The following RNF38 variants were observed in gnomAD, a reference collection of about 807,000 sequenced individuals.
The protein encoded by RNF38 is ring finger protein 38.
A neutral mutation model predicts 67.2 loss-of-function variants in RNF38; 15 were observed. That is an observed-to-expected ratio of 0.22 (90% confidence interval 0.15 to 0.34). The LOEUF is 0.34. RNF38 is among the 10% of genes least tolerant of loss of function. RNF38 has a pLI of 1.00. For missense variants in RNF38, 524 were observed against 639.9 expected (o/e 0.82, Z 1.95); for synonymous variants, 220 against 218.8 (o/e 1.01, Z -0.05).
chr9:36,463,292 G>A (rs1839779278), intron 1 of RNF38, among the ~76,000 whole-genome samples: 1 of 152,144 alleles, frequency 6.6e-6, no homozygotes, highest in Non-Finnish European at 1.5e-5. Flanking sequence ...TTTCTTGCAT[G>A]TAAGTCAGGA....
chr9:36,385,799 T>C (rs1587575273), intron 2 of RNF38, among the ~76,000 whole-genome samples: 1 of 152,300 alleles, frequency 6.6e-6, no homozygotes, highest in South Asian at 2.1e-4. Flanking sequence ...AAGGGCCCAG[T>C]TCTTCTCGTT....
chr9:36,451,664 C>T (rs899723666), intron 1 of RNF38, among the ~76,000 whole-genome samples: 1 of 151,476 alleles, frequency 6.6e-6, no homozygotes, highest in African/African-American at 2.4e-5. Flanking sequence ...CCATGCCCAG[C>T]TAATTTTGTA....
At chr9:36,434,291 G>A (rs1472650563) in intron 1 of RNF38, among the ~76,000 whole-genome samples, 2 of 121,298 alleles carry the variant, frequency 1.6e-5, no homozygotes, top group Non-Finnish European at 3.5e-5. Context: ...AGGGGAGAAG[G>A]GGAGGGGAGA....
chr9:36,346,808 A>T (rs2133398039), intron 9 of RNF38, among the ~76,000 whole-genome samples: 1 of 152,244 alleles, frequency 6.6e-6, no homozygotes, highest in South Asian at 2.1e-4. Flanking sequence ...CAGCCCTTCT[A>T]AATGCTGGAA....
Position 36,350,552 on chromosome 9 carries a change from A to C in RNF38, c.1263+563T>G, listed in dbSNP as rs142920961. Among the ~76,000 whole-genome samples, 59 of 152,332 alleles carry C rather than the reference A, an allele frequency of 3.9e-4. No homozygotes were observed. The East Asian group carries it at 0.011, about 27-fold the overall frequency. ...GAATGTCTAGCCCTTCTCTGCCTAAATCTTAAAGATGAAAAGCTTATACAT... is the reference window on the plus strand; with the variant it reads ...GAATGTCTAGCCCTTCTCTGCCTAACTCTTAAAGATGAAAAGCTTATACAT... On this transcript the variant is annotated intron_variant, in intron 9 of 11. Transcript: ENST00000259605.
rs530162023 is a variant in RNF38 at position 36,421,393 on chromosome 9, G to A, written n.312+3220C>T. Among the ~76,000 whole-genome samples, 9 of 152,246 alleles carry A rather than the reference G, an allele frequency of 5.9e-5. No individual in the cohort carries two copies. The South Asian group carries it at 1.7e-3, about 28-fold the overall frequency. On this transcript the variant is annotated intron_variant and non_coding_transcript_variant, in intron 2 of 3. Coordinates refer to the RNF38 transcript ENST00000488058. Reference sequence around the variant, plus strand: ...TTAAAGCAGGTTGGGGCCAGGCATGGTGGCTCACGCCTGTAATACCAGCAC... The same window carrying A: ...TTAAAGCAGGTTGGGGCCAGGCATGATGGCTCACGCCTGTAATACCAGCAC...
intron 2 of RNF38, among the ~76,000 whole-genome samples, chr9:36,411,302 T>G (rs1052640183): frequency 1.3e-5 from 2 of 152,124 alleles, no homozygotes; most frequent in Non-Finnish European, 2.9e-5. Context: ...AACTGGAATC[T>G]CTCTGCACTG....
At chr9:36,440,211 A>G (rs914447071) in intron 1 of RNF38, among the ~76,000 whole-genome samples, 1 of 152,196 alleles carries the variant, frequency 6.6e-6, no homozygotes, top group Non-Finnish European at 1.5e-5. Flanking sequence ...ATGCCACTAC[A>G]CTACAGCCTG....
intron 1 of RNF38, among the ~76,000 whole-genome samples, chr9:36,478,478 A>T (rs1269399565): frequency 1.3e-5 from 2 of 150,600 alleles, no homozygotes; most frequent in African/African-American, 4.9e-5. Context: ...TTCTGGTAGC[A>T]ATAGGGAGAA....
At chr9:36,458,702 T>G (rs1411338397) in intron 1 of RNF38, among the ~76,000 whole-genome samples, 2 of 151,014 alleles carry the variant, frequency 1.3e-5, no homozygotes, top group Non-Finnish European at 3.0e-5. Context: ...GGACACACCA[T>G]CTTTAAGAGT....
At chr9:36,478,748 C>T (rs138742447) in intron 1 of RNF38, among the ~76,000 whole-genome samples, 7,444 of 145,816 alleles carry the variant, frequency 0.051, 580 homozygotes, top group African/African-American at 0.17. Flanking sequence ...ACCCAGAAGG[C>T]GGAGGTTGCG....
At chr9:36,484,181 C>G (rs970648574) in intron 1 of RNF38, among the ~76,000 whole-genome samples, 1 of 152,210 alleles carries the variant, frequency 6.6e-6, no homozygotes, top group Admixed American at 6.5e-5. Flanking sequence ...CCTGATATAT[C>G]AGAATGTCCT....
At chr9:36,460,134 G>C (rs999159363) in intron 1 of RNF38, among the ~76,000 whole-genome samples, 1 of 152,038 alleles carries the variant, frequency 6.6e-6, no homozygotes, top group Non-Finnish European at 1.5e-5. Context: ...TTTTCTTGTG[G>C]TTTCTTAAGC....
At chr9:36,369,524 ATTT>A (rs1835219708) in intron 4 of RNF38, among the ~76,000 whole-genome samples, 192 bp downstream of exon 4, 2 of 152,096 alleles carry the variant, frequency 1.3e-5, no homozygotes, top group African/African-American at 4.8e-5. Context: ...GCCGATACTA[ATTT>A]TTTAAGTTCA....
At chr9:36,390,166 C>A (rs1318920017) in intron 2 of RNF38, among the ~76,000 whole-genome samples, 1 of 152,106 alleles carries the variant, frequency 6.6e-6, no homozygotes, top group Non-Finnish European at 1.5e-5. Context: ...ATATATTCTA[C>A]ACTATCTTCT....
Position 36,356,416 on chromosome 9 carries a change from G to A in RNF38, c.796C>T (p.Leu266Phe). Residue 266 changes from leucine (L) to phenylalanine (F), a missense_variant, in exon 6 of 12, where the codon CTT (leucine) becomes TTT (phenylalanine). Physicochemically the swap from Leu to Phe is conservative, Grantham distance 22. This residue lies in a region of RNF38 where 461 missense variants were observed against 517.4 expected (regional missense o/e 0.89). Transcript: ENST00000259605. ...LPVPYAAFPP[L>F]ISSDPFLIHP... is the part of the protein sequence containing the mutation. ...ATAAGAAATGGATCACTAGAAATAA[G>A]GGGTGGGAATGCAGCATATGGTACT... is the stretch of plus-strand genomic sequence containing the variant. 1 of 1,613,898 alleles carries A rather than the reference G, an allele frequency of 6.2e-7. No homozygotes were observed. The highest frequency in any genetic ancestry group is 1.1e-5 in the South Asian group (1 of 91,044).
At chr9:36,445,501 A>C (rs1437398663) in intron 1 of RNF38, among the ~76,000 whole-genome samples, 1 of 152,242 alleles carries the variant, frequency 6.6e-6, no homozygotes, top group Non-Finnish European at 1.5e-5. Context: ...AGTTTGGATA[A>C]CTGGTCACCA....
At chr9:36,364,108 G>A (rs1834764711) in intron 4 of RNF38, among the ~76,000 whole-genome samples, 1 of 149,918 alleles carries the variant, frequency 6.7e-6, no homozygotes, top group Non-Finnish European at 1.5e-5. Flanking sequence ...AGGATTACAG[G>A]CATGAGCCAC....
At chr9:36,396,581 C>T (rs966148382) in intron 1 of RNF38, among the ~76,000 whole-genome samples, 42 of 151,962 alleles carry the variant, frequency 2.8e-4, no homozygotes, top group African/African-American at 8.7e-4. Flanking sequence ...CTCAAAGTCC[C>T]GGATGGCATT....
Sources: gnomAD v4.1 joint callset for allele counts (sites outside exome capture counted in the v4.1 genomes callset) on GRCh38, gnomAD v4.1.1 for gene constraint, gnomAD v4.1.1 regional missense constraint, MANE v1.5 for transcripts, NCBI Gene and HGNC (gene_info 2026-07-23, HGNC 2026-07-21) for gene names.